RBSN: variants seen among roughly 807,000 people sequenced by gnomAD.
RBSN encodes rabenosyn-5.
In RBSN, 34 loss-of-function variants were observed where a neutral mutation model predicts 60.5. The observed-to-expected ratio is 0.56, with a 90% CI of 0.43 to 0.75. RBSN has a LOEUF of 0.75. RBSN is among the 30% of genes least tolerant of loss of function. The pLI is 0.00. For synonymous variants in RBSN, 322 were observed against 366.9 expected (o/e 0.88, Z 1.40); for missense variants, 845 against 986.8 (o/e 0.86, Z 1.92).
At chr3:15,094,088 C>A in intron 4 of RBSN, among the ~76,000 whole-genome samples, 1 of 152,122 alleles carries the variant, frequency 6.6e-6, no homozygotes, top group South Asian at 2.1e-4. Flanking sequence ...TATCTGTATT[C>A]TCTAAATAAC....
At chr3:15,080,468 C>T (rs540658485) in intron 10 of RBSN, among the ~76,000 whole-genome samples, 1 of 152,248 alleles carries the variant, frequency 6.6e-6, no homozygotes, top group East Asian at 1.9e-4. Flanking sequence ...CTTCCCAAAC[C>T]TGCTCAGTCA....
In RBSN at chr3:15,073,726, T is replaced by C. The variant is rs1339300536; in HGVS notation, c.*56A>G. The C allele has an allele frequency of 1.9e-6, 3 of 1,542,934 alleles. No homozygotes were observed. The Admixed American group carries it at 5.7e-5, about 29-fold the overall frequency. ...CATCCATCCTGCCTGCCCTCTGTCC[T>C]GCTCCACTGGCTCCTGCCAGACCCC... On this transcript the variant is annotated 3_prime_UTR_variant, in exon 14 of 14. Transcript: ENST00000253699.
chr3:15,077,014 G>A lies in RBSN; in HGVS notation c.1101+48C>T, dbSNP rs746883470. On this transcript the variant is annotated intron_variant, in intron 12 of 13. Coordinates refer to ENST00000253699, the MANE Select transcript of RBSN (RefSeq NM_022340.4). The surrounding 1 kb of genome is among the most constrained non-coding windows in gnomAD (Gnocchi z 4.4). Reference sequence around the variant, plus strand: ...GATCTGCCTCCTGGGAAGCAAAAGAGCAGGACAGGCCAAGTGCAACATTTA... The same window carrying A: ...GATCTGCCTCCTGGGAAGCAAAAGAACAGGACAGGCCAAGTGCAACATTTA... 6.6e-7 allele frequency: 1 copy of A among 1,523,628 alleles called. No homozygotes were observed. Among genetic ancestry groups the A allele is most frequent in the South Asian group, 1.1e-5 (1 of 89,066 alleles). The allele number at this position is 1,523,628 out of a possible 1,614,324, so 94.4% of individuals were successfully genotyped here.
In RBSN at chr3:15,077,408, ACAGGTGAG is replaced by A. The variant is rs1439575749; in HGVS notation, c.999-252_999-245del. ...TGACTACACATGCAGAGCCAGCTTC[ACAGGTGAG>A]CAACCTATGCAACTGGAAAGGACTG... On this transcript the variant is annotated intron_variant, in intron 11 of 13. Transcript: ENST00000253699. This position sits in a 1 kb window ranked among gnomAD's most constrained non-coding sequence, Gnocchi z 4.4. Among the ~76,000 whole-genome samples the A allele has an allele frequency of 2.6e-5, 4 of 152,310 alleles. No homozygotes were observed. In the East Asian group the frequency reaches 7.7e-4, roughly 29 times the overall value.
Position 15,082,241 on chromosome 3 carries a change from A to G in RBSN, c.840+126T>C, listed in dbSNP as rs1205378103. On this transcript the variant is annotated intron_variant, in intron 9 of 13. Transcript: ENST00000253699. The surrounding 1 kb of genome is among the most constrained non-coding windows in gnomAD (Gnocchi z 4.2). ...TGGGAAATCATAACATGGGCCTTTAACAGGAACTACAAATAATTCAAACGA... is the reference window on the plus strand; with the variant it reads ...TGGGAAATCATAACATGGGCCTTTAGCAGGAACTACAAATAATTCAAACGA... 6 of 1,302,996 alleles carry G rather than the reference A, an allele frequency of 4.6e-6. No individual in the cohort carries two copies. 80.7% of individuals were successfully genotyped at this position (1,302,996 alleles called of 1,614,324 possible).
Position 15,084,935 on chromosome 3 carries a change from TA to T in RBSN, c.437-40del. 6.2e-7 allele frequency: 1 copy of T among 1,613,640 alleles called. No individual in the cohort carries two copies. The highest frequency in any genetic ancestry group is 8.5e-7 in the Non-Finnish European group (1 of 1,179,738). On this transcript the variant is annotated intron_variant, in intron 7 of 13. Coordinates refer to ENST00000253699, the MANE Select transcript of RBSN (RefSeq NM_022340.4). The surrounding 1 kb of genome is among the most constrained non-coding windows in gnomAD (Gnocchi z 4.2). ...AAACCAACAAGAAAGCAGGCCATTT[TA>T]AAGAGAGCTTTGGTCAGGGAAAAAA...
chr3:15,090,857 CAG>C (rs1051462668), intron 4 of RBSN, among the ~76,000 whole-genome samples: 3 of 152,088 alleles, frequency 2.0e-5, no homozygotes, highest in African/African-American at 7.2e-5. Flanking sequence ...ATGAGGAAAA[CAG>C]GGTGATGGAA....
At position 15,096,050 on chromosome 3, in the gene RBSN, T is replaced by G; in HGVS notation, c.71A>C (p.Gln24Pro). ...FLCPLCLKDL[Q>P]SFYQLHSHYE... ...ATGTGAGTGAAGCTGATAGAAAGAC[T>G]GCAGATCCTTCAGGCACAGAGGGCA... Residue 24 changes from glutamine (Q) to proline (P), a missense_variant, in exon 4 of 14, where the codon CAG becomes CCG. Gln to Pro is a moderately conservative substitution (Grantham distance 76). Transcript: ENST00000253699. The G allele has an allele frequency of 1.2e-6, 2 of 1,614,056 alleles. No individual in the cohort carries two copies. The highest frequency in any genetic ancestry group is 1.7e-6 in the Non-Finnish European group (2 of 1,179,924).
At chr3:15,079,898 A>G (rs1171557775) in intron 10 of RBSN, among the ~76,000 whole-genome samples, 1 of 152,328 alleles carries the variant, frequency 6.6e-6, no homozygotes, top group East Asian at 1.9e-4. Context: ...CAAACTGTAC[A>G]CTTTAAAAGG....
chr3:15,084,604 C>G lies in RBSN; in HGVS notation c.598+131G>C. On this transcript the variant is annotated intron_variant, in intron 8 of 13. Coordinates refer to ENST00000253699, the MANE Select transcript of RBSN (RefSeq NM_022340.4). This position sits in a 1 kb window ranked among gnomAD's most constrained non-coding sequence, Gnocchi z 4.2. ...TCTGTAGTGGGTTTCACAGAAACAGCAACTCAATGAATGAAGATTCCCATG... is the reference window on the plus strand; with the variant it reads ...TCTGTAGTGGGTTTCACAGAAACAGGAACTCAATGAATGAAGATTCCCATG... 1 of 1,233,222 alleles carries G rather than the reference C, an allele frequency of 8.1e-7. No individual in the cohort carries two copies. Among genetic ancestry groups the G allele is most frequent in the South Asian group, 1.5e-5 (1 of 64,896 alleles). The allele number at this position is 1,233,222 out of a possible 1,614,324, so 76.4% of individuals were successfully genotyped here.
chr3:15,081,776 G>C (rs1420058329), intron 9 of RBSN, among the ~76,000 whole-genome samples: 1 of 152,140 alleles, frequency 6.6e-6, no homozygotes, highest in Non-Finnish European at 1.5e-5. Context: ...TCAGCTCACA[G>C]GTCTCACCTG....
intron 10 of RBSN, among the ~76,000 whole-genome samples, chr3:15,079,224 TG>T (rs2043143031): frequency 6.6e-6 from 1 of 152,194 alleles, no homozygotes; most frequent in Non-Finnish European, 1.5e-5. Context: ...TAATCAAACA[TG>T]GGCATGGCTG....
Position 15,089,461 on chromosome 3 carries a change from AAAAAAAAAAAAAAAAAC to A in RBSN, c.289+921_289+937del, listed in dbSNP as rs1440821911. ...ACACAGTGAGACTCCATCTCCAAAA[AAAAAAAAAAAAAAAAAC>A]AAAAAAAAAAAACAGATATGTAAGA... On this transcript the variant is annotated intron_variant, in intron 5 of 13. Transcript: ENST00000253699. 9.7e-5 allele frequency among the ~76,000 whole-genome samples: 11 copies of A among 112,984 alleles called. 1 individual carries two copies. The highest frequency in any genetic ancestry group is 5.7e-4 in the African/African-American group (10 of 17,600). The allele number at this position is 112,984 out of a possible 152,430, so 74.1% of individuals were successfully genotyped here.
chr3:15,091,298 C>A, intron 4 of RBSN: 9 of 1,008,804 alleles, frequency 8.9e-6, no homozygotes, highest in African/African-American at 1.8e-5. Flanking sequence ...AGTACTAATT[C>A]ATTTACCCCA....
At chr3:15,095,590 G>A in intron 4 of RBSN, 1 of 358,198 alleles carries the variant, frequency 2.8e-6, no homozygotes. Context: ...GGTGCATAAT[G>A]TGCCTCCATC....
chr3:15,074,722 T>C lies in RBSN; in HGVS notation c.1415A>G (p.Gln472Arg). The C allele has an allele frequency of 6.2e-7, 1 of 1,614,276 alleles. No individual in the cohort carries two copies. Among genetic ancestry groups the C allele is most frequent in the Non-Finnish European group, 8.5e-7 (1 of 1,180,054 alleles). ...QIHNITSFIR[Q>R]AKAAGRMDEV... ...ATCCATGCGGCCCGCGGCCTTGGCC[T>C]GCCTGATGAATGATGTGATGTTGTG... is the stretch of plus-strand genomic sequence containing the variant. Residue 472 changes from glutamine to arginine, a missense_variant, in exon 14 of 14, where the codon CAG (glutamine) becomes CGG (arginine). Physicochemically the swap from Gln to Arg is conservative, Grantham distance 43. Coordinates refer to ENST00000253699, the MANE Select transcript of RBSN (RefSeq NM_022340.4). This position sits in a 1 kb window ranked among gnomAD's most constrained non-coding sequence, Gnocchi z 6.4.
In RBSN at chr3:15,074,109, C is replaced by T. The variant is rs1262960952; in HGVS notation, c.2028G>A (p.Gly676=). The part of the protein sequence containing the change: ...EEDEEEEAVA[G]NPFIQPDSPA... ...GGCTGTCTGGCTGAATGAATGGATT[C>T]CCTGCCACTGCTTCCTCCTCCTCGT... is the stretch of plus-strand genomic sequence containing the variant. The change falls in exon 14 of 14, where the codon GGG becomes GGA. Residue 676 remains glycine, a synonymous_variant. Transcript: ENST00000253699. This position sits in a 1 kb window ranked among gnomAD's most constrained non-coding sequence, Gnocchi z 6.4. 5 of 1,614,090 alleles carry T rather than the reference C, an allele frequency of 3.1e-6. No individual in the cohort carries two copies. Among genetic ancestry groups the T allele is most frequent in the Non-Finnish European group, 3.4e-6 (4 of 1,180,008 alleles).
chr3:15,086,519 C>T (rs542568875), intron 5 of RBSN, among the ~76,000 whole-genome samples: 1 of 152,268 alleles, frequency 6.6e-6, no homozygotes, highest in Admixed American at 6.5e-5. Context: ...ATCTCTGTAA[C>T]TCTAAGAGTA....
At position 15,074,220 on chromosome 3, in the gene RBSN, C is replaced by T; in HGVS notation, c.1917G>A (p.Glu639=). 6.2e-7 allele frequency: 1 copy of T among 1,608,844 alleles called. No homozygotes were observed. Among genetic ancestry groups the T allele is most frequent in the Non-Finnish European group, 8.5e-7 (1 of 1,177,130 alleles). ...DEEDLSSPME[E]ATTGPPAAGV... Reference sequence around the variant, plus strand: ...CTGCAGCAGGAGGACCAGTAGTGGCCTCTTCCATGGGGCTGGAGAGGTCTT... The same window carrying T: ...CTGCAGCAGGAGGACCAGTAGTGGCTTCTTCCATGGGGCTGGAGAGGTCTT... The change falls in exon 14 of 14, where the codon GAG becomes GAA. Residue 639 remains glutamate, a synonymous_variant. Coordinates refer to ENST00000253699, the MANE Select transcript of RBSN (RefSeq NM_022340.4). This position sits in a 1 kb window ranked among gnomAD's most constrained non-coding sequence, Gnocchi z 6.4.
Sources: gnomAD v4.1 joint callset for allele counts (sites outside exome capture counted in the v4.1 genomes callset) on GRCh38, gnomAD v4.1.1 for gene constraint, Gnocchi (gnomAD v3.1) non-coding constraint, MANE v1.5 for transcripts, NCBI Gene and HGNC (gene_info 2026-07-23, HGNC 2026-07-21) for gene names.